The following SCRG1 variants were observed in gnomAD, a reference collection of about 807,000 sequenced individuals.
SCRG1 encodes scrapie-responsive protein 1.
In SCRG1, 3 loss-of-function variants were observed where a neutral mutation model predicts 7.7. That is an observed-to-expected ratio of 0.39 (90% CI 0.18 to 1.01). The LOEUF is 1.01. SCRG1 is among the 50% of genes least tolerant of loss of function. The pLI, the probability that SCRG1 is intolerant of heterozygous loss-of-function variation, is 0.36. For missense variants in SCRG1, 110 were observed against 117.2 expected, an observed-to-expected ratio of 0.94 and a Z score of 0.28; for synonymous variants, 46 against 41.2, an observed-to-expected ratio of 1.12 and a Z score of -0.44.
At chr4:173,468,979 A>T in the SCRG1 span, 1 of 152,210 alleles carries the variant, frequency 6.6e-6, no homozygotes, top group South Asian at 2.1e-4. Flanking sequence ...CATACATAGT[A>T]TGCTCAAAAG....
chr4:173,440,804 T>C, the SCRG1 span, among the ~76,000 whole-genome samples: 2 of 152,204 alleles, frequency 1.3e-5, no homozygotes, highest in Non-Finnish European at 2.9e-5. Flanking sequence ...TTCTAGCCTC[T>C]GGTAGCTGCT....
the SCRG1 span, among the ~76,000 whole-genome samples, chr4:173,422,908 C>T: frequency 6.6e-6 from 1 of 152,088 alleles, no homozygotes; most frequent in Non-Finnish European, 1.5e-5. Context: ...AATTGTCTAT[C>T]AGAGATGATC....
the SCRG1 span, among the ~76,000 whole-genome samples, chr4:173,507,983 G>A: frequency 6.6e-6 from 1 of 152,216 alleles, no homozygotes; most frequent in Non-Finnish European, 1.5e-5. The surrounding 1 kb of genome is among the most constrained non-coding windows in gnomAD (Gnocchi z 4.4). Context: ...ACTGGCCGAG[G>A]ACTGCAGAGG....
chr4:173,493,385 A>C, the SCRG1 span, among the ~76,000 whole-genome samples: 1 of 152,068 alleles, frequency 6.6e-6, no homozygotes, highest in Non-Finnish European at 1.5e-5. Context: ...ACTCCCAATC[A>C]TGCTTCCTTG....
the SCRG1 span, among the ~76,000 whole-genome samples, chr4:173,465,728 AC>A: frequency 2.0e-5 from 3 of 151,874 alleles, no homozygotes; most frequent in African/African-American, 4.8e-5. Context: ...TTCTAAGTGT[AC>A]AGTTCAATGG....
At chr4:173,413,075 T>C in the SCRG1 span, among the ~76,000 whole-genome samples, 1 of 151,644 alleles carries the variant, frequency 6.6e-6, no homozygotes, top group South Asian at 2.1e-4. Context: ...TGGACACTGA[T>C]GCACAATTTC....
the SCRG1 span, among the ~76,000 whole-genome samples, chr4:173,483,589 A>G: frequency 1.7e-3 from 134 of 80,958 alleles, 15 homozygotes; most frequent in Non-Finnish European, 2.4e-3. Flanking sequence ...TATATGATAT[A>G]TTATATTGTG....
At chr4:173,473,731 T>TG in the SCRG1 span, among the ~76,000 whole-genome samples, 1 of 152,186 alleles carries the variant, frequency 6.6e-6, no homozygotes, top group Non-Finnish European at 1.5e-5. Context: ...AATAAGGCCG[T>TG]GGGGGGTTGC....
chr4:173,388,662 CTT>C (rs1324816507), intron 2 of SCRG1, among the ~76,000 whole-genome samples: 1 of 152,114 alleles, frequency 6.6e-6, no homozygotes, highest in African/African-American at 2.4e-5. Flanking sequence ...AATTTCAAAA[CTT>C]TATGGTCATG....
chr4:173,408,258 C>T (rs1215202977), upstream of SCRG1, among the ~76,000 whole-genome samples: 4 of 152,038 alleles, frequency 2.6e-5, no homozygotes, highest in Non-Finnish European at 4.4e-5. Flanking sequence ...AACAATTCTA[C>T]GAAAAAAACC....
chr4:173,488,852 T>TG, the SCRG1 span, among the ~76,000 whole-genome samples: 1 of 152,194 alleles, frequency 6.6e-6, no homozygotes. Flanking sequence ...AAGCTAGCCT[T>TG]GGTCCTTACT....
intron 2 of SCRG1, chr4:173,389,814 G>T (rs1371614382): frequency 4.9e-6 from 2 of 409,150 alleles, no homozygotes; most frequent in Non-Finnish European, 1.0e-5. Flanking sequence ...CTTCAACTCT[G>T]CACCTTTCCT....
the SCRG1 span, among the ~76,000 whole-genome samples, chr4:173,458,969 A>G: frequency 2.6e-5 from 4 of 152,362 alleles, no homozygotes; most frequent in African/African-American, 9.6e-5. Context: ...TGTACTTAAC[A>G]TCACATGAAA....
the SCRG1 span, among the ~76,000 whole-genome samples, chr4:173,509,186 G>A: frequency 3.9e-5 from 6 of 152,182 alleles, no homozygotes; most frequent in Non-Finnish European, 7.3e-5. The surrounding 1 kb of genome is among the most constrained non-coding windows in gnomAD (Gnocchi z 5.7). Flanking sequence ...GTAAATCAAA[G>A]CTCCAGGGCC....
chr4:173,485,533 C>T, the SCRG1 span, among the ~76,000 whole-genome samples: 39 of 151,898 alleles, frequency 2.6e-4, no homozygotes, highest in East Asian at 5.8e-4. Context: ...TGCAGAATTA[C>T]GAGCAATTTA....
chr4:173,419,077 C>G, the SCRG1 span, among the ~76,000 whole-genome samples: 1 of 152,194 alleles, frequency 6.6e-6, no homozygotes, highest in Admixed American at 6.5e-5. Flanking sequence ...GGCTGAGGCT[C>G]TCACCTCCTT....
chr4:173,475,961 T>C, the SCRG1 span, among the ~76,000 whole-genome samples: 2 of 152,170 alleles, frequency 1.3e-5, no homozygotes, highest in Non-Finnish European at 2.9e-5. Flanking sequence ...TGAATGGATA[T>C]AGAGTTTCAG....
chr4:173,516,541 C>T, the SCRG1 span, among the ~76,000 whole-genome samples: 1 of 152,196 alleles, frequency 6.6e-6, no homozygotes, highest in Non-Finnish European at 1.5e-5. Context: ...GTTCATAGTT[C>T]AAGGAAAACT....
chr4:173,392,248 T>A (rs766350470), intron 1 of SCRG1, among the ~76,000 whole-genome samples: 1 of 152,212 alleles, frequency 6.6e-6, no homozygotes, highest in Non-Finnish European at 1.5e-5. Context: ...CCAGAAGTAG[T>A]TTAGTACACA....
Sources: allele counts gnomAD v4.1 joint callset (sites outside exome capture counted in the v4.1 genomes callset), GRCh38; gene constraint gnomAD v4.1.1; non-coding constraint Gnocchi (gnomAD v3.1); transcripts MANE v1.5; gene names NCBI Gene and HGNC (gene_info 2026-07-23, HGNC 2026-07-21).